The following TSPEAR variants were observed in gnomAD, a reference collection of about 807,000 sequenced individuals.
The protein encoded by TSPEAR is thrombospondin-type laminin G domain and EAR repeat-containing protein.
A neutral mutation model predicts 71.6 loss-of-function variants in TSPEAR; 69 were observed. The observed-to-expected ratio is 0.96, with a 90% CI of 0.79 to 1.18. The LOEUF is 1.18. Among genes scored for constraint, TSPEAR ranks in the 50% most tolerant of loss-of-function variants. TSPEAR has a pLI of 0.00. For synonymous variants in TSPEAR, 402 were observed against 387.2 expected, an observed-to-expected ratio of 1.04 and a Z score of -0.45; for missense variants, 971 against 894.9, an observed-to-expected ratio of 1.09 and a Z score of -1.09.
intron 1 of TSPEAR, among the ~76,000 whole-genome samples, chr21:44,615,415 G>A (rs1376325277): frequency 6.6e-6 from 1 of 152,190 alleles, no homozygotes; most frequent in Non-Finnish European, 1.5e-5. Flanking sequence ...GTAAATAAGT[G>A]GATGGGATCC....
intron 2 of TSPEAR, among the ~76,000 whole-genome samples, chr21:44,547,216 T>G (rs2053316251): frequency 6.6e-6 from 1 of 152,232 alleles, no homozygotes; most frequent in African/African-American, 2.4e-5. Flanking sequence ...AATTCCAGAT[T>G]TTCTGTTTGG....
intron 1 of TSPEAR, chr21:44,686,551 GCCGCCTCCTGCGGGTCCTCCAGGTGCTGC>G (rs1394184897): frequency 3.5e-4 from 53 of 153,202 alleles, no homozygotes; most frequent in African/African-American, 1.2e-3. Context: ...CCTGTGTGTG[GCCGCCTCCTGCGGGTCCTCCAGGTGCTGC>G]CCGCCCTTCT....
rs587598318 is a variant in TSPEAR at position 44,539,388 on chromosome 21, C to T, written c.304-5465G>A. The T allele has an allele frequency of 2.0e-4, 326 of 1,612,360 alleles. No homozygotes were observed. The highest frequency in any genetic ancestry group is 1.1e-3 in the East Asian group (50 of 44,782). On this transcript the variant is annotated intron_variant, in intron 2 of 11. Transcript: ENST00000323084. ...CAGCAGCTGGCCTGGCAGGAGGAGG[C>T]AGGGGCACAGCAGGAGGAGACAGGC...
chr21:44,521,767 G>T, intron 9 of TSPEAR, 116 bp downstream of exon 9: 2 of 977,444 alleles, frequency 2.0e-6, no homozygotes, highest in Non-Finnish European at 3.1e-6. Context: ...CGGGTGCAGA[G>T]CAGCACTAGG....
intron 1 of TSPEAR, among the ~76,000 whole-genome samples, chr21:44,629,683 G>A (rs1259674989): frequency 2.0e-5 from 3 of 152,196 alleles, no homozygotes; most frequent in African/African-American, 4.8e-5. Flanking sequence ...AAACTGCAGC[G>A]ATGGACATTT....
At chr21:44,681,729 C>T in intron 1 of TSPEAR, 1 of 1,401,900 alleles carries the variant, frequency 7.1e-7, no homozygotes, top group Non-Finnish European at 9.7e-7. Flanking sequence ...ACTGAGCATG[C>T]TTTTCACCTG....
In TSPEAR at chr21:44,711,494, C is replaced by A; in HGVS notation, c.21G>T (p.Leu7=). The A allele has an allele frequency of 3.7e-6, 6 of 1,612,038 alleles. No homozygotes were observed. The highest frequency in any genetic ancestry group is 5.1e-6 in the Non-Finnish European group (6 of 1,179,462). Residue 7 remains leucine, a synonymous_variant, in exon 1 of 12, where the codon CTG becomes CTT. Transcript: ENST00000323084. The surrounding 1 kb of genome is among the most constrained non-coding windows in gnomAD (Gnocchi z 4.5). MSALLS[L]CFVLPLAAPG... ...GGGCCGCCAGGGGCAGCACAAAACA[C>A]AGACTCAGCAGGGCAGACATGAGGG...
intron 1 of TSPEAR, among the ~76,000 whole-genome samples, chr21:44,599,172 C>CTCTCTCTCT (rs1372930980): frequency 2.3e-4 from 34 of 146,038 alleles, no homozygotes; most frequent in Non-Finnish European, 2.7e-4. Context: ...CTCTCTCTCT[C>CTCTCTCTCT]CTTCCATCCC....
At chr21:44,517,849 G>C (rs1453793151) in intron 9 of TSPEAR, 7 of 471,008 alleles carry the variant, frequency 1.5e-5, no homozygotes, top group African/African-American at 1.2e-4. Context: ...ACTTTCCTTT[G>C]CTCTCGCGCT....
chr21:44,628,642 T>A (rs28717984), intron 1 of TSPEAR, among the ~76,000 whole-genome samples: 8 of 151,148 alleles, frequency 5.3e-5, no homozygotes, highest in South Asian at 4.2e-4. Flanking sequence ...AATGCCCCAC[T>A]CACTGTGGGT....
chr21:44,628,619 C>A (rs1167309356), intron 1 of TSPEAR, among the ~76,000 whole-genome samples: 1 of 152,058 alleles, frequency 6.6e-6, no homozygotes, highest in South Asian at 2.1e-4. Context: ...ACAGACACCA[C>A]GTGACTCAGG....
At position 44,689,714 on chromosome 21, in the gene TSPEAR, T is replaced by TGA. The variant is rs374806505; in HGVS notation, c.82+21718_82+21719insTC. ...CCTTAGAGGGACAGAATAGAATGAA[T>TGA]ATATATATATATATATATATATATA... On this transcript the variant is annotated intron_variant, in intron 1 of 11. Coordinates refer to ENST00000323084, the MANE Select transcript of TSPEAR (RefSeq NM_144991.3). 1.8e-3 allele frequency among the ~76,000 whole-genome samples: 145 copies of TGA among 81,480 alleles called. 2 individuals carry two copies. The highest frequency in any genetic ancestry group is 2.6e-3 in the South Asian group (5 of 1,934). 53.5% of individuals were successfully genotyped at this position (81,480 alleles called of 152,430 possible).
intron 1 of TSPEAR, among the ~76,000 whole-genome samples, chr21:44,645,913 G>A (rs1984306242): frequency 6.6e-6 from 1 of 151,440 alleles, no homozygotes; most frequent in Non-Finnish European, 1.5e-5. Flanking sequence ...GCTGAGGCGG[G>A]TAGATCATGA....
intron 1 of TSPEAR, among the ~76,000 whole-genome samples, chr21:44,659,104 A>T (rs1385420861): frequency 2.0e-5 from 3 of 152,210 alleles, no homozygotes; most frequent in Non-Finnish European, 4.4e-5. Flanking sequence ...ACACTGGACC[A>T]GGACAACAGA....
intron 1 of TSPEAR, among the ~76,000 whole-genome samples, chr21:44,596,002 G>C (rs1176461590): frequency 6.6e-6 from 1 of 152,086 alleles, no homozygotes; most frequent in Non-Finnish European, 1.5e-5. Flanking sequence ...TTATCATCTC[G>C]GTTTCTGTGG....
At chr21:44,637,828 C>T (rs781914044) in intron 1 of TSPEAR, 11 of 1,384,188 alleles carry the variant, frequency 7.9e-6, no homozygotes, top group South Asian at 1.3e-5. Context: ...CAACTTGCTG[C>T]ACCTCCTCCC....
chr21:44,544,692 G>T (rs966800646), intron 2 of TSPEAR, among the ~76,000 whole-genome samples: 1 of 152,208 alleles, frequency 6.6e-6, no homozygotes, highest in South Asian at 2.1e-4. Flanking sequence ...TGTGCTGCCC[G>T]GGGGGAGCCA....
chr21:44,683,911 A>G (rs192201944), intron 1 of TSPEAR, among the ~76,000 whole-genome samples: 8 of 152,376 alleles, frequency 5.3e-5, no homozygotes, highest in Non-Finnish European at 7.3e-5. Context: ...TGGGAATCCT[A>G]GAACTGAAAA....
At chr21:44,702,491 C>T in intron 1 of TSPEAR, 23 of 1,608,726 alleles carry the variant, frequency 1.4e-5, no homozygotes, top group Non-Finnish European at 1.9e-5. Flanking sequence ...TGCTGCAAGC[C>T]TGTCTGTTGC....
Sources: allele counts gnomAD v4.1 joint callset (sites outside exome capture counted in the v4.1 genomes callset), GRCh38; gene constraint gnomAD v4.1.1; non-coding constraint Gnocchi (gnomAD v3.1); transcripts MANE v1.5; gene names NCBI Gene and HGNC (gene_info 2026-07-23, HGNC 2026-07-21).